The following PABPC1L variants were observed in gnomAD, a reference collection of about 807,000 sequenced individuals.
The protein encoded by PABPC1L is polyadenylate-binding protein 1-like.
Under a neutral mutation model 66.6 loss-of-function variants are expected in PABPC1L, and 31 were observed. The observed-to-expected ratio is 0.47, with a 90% CI of 0.35 to 0.63. The LOEUF (loss-of-function observed/expected upper bound fraction) is 0.63, where lower values mean the gene tolerates loss of function less well. PABPC1L is among the 20% of genes least tolerant of loss of function. The probability of loss-of-function intolerance (pLI) is 0.00; values close to 1 mark genes in which losing one functional copy is unlikely to be tolerated. For synonymous variants in PABPC1L, 348 were observed against 335.1 expected (o/e 1.04, Z -0.42); for missense variants, 722 against 848.8 (o/e 0.85, Z 1.86).
intron 6 of PABPC1L, 108 bp downstream of exon 6, chr20:44,921,839 G>T: frequency 6.6e-7 from 1 of 1,522,448 alleles, no homozygotes; most frequent in Non-Finnish European, 8.9e-7. Flanking sequence ...TGGGCACTTG[G>T]CTCAAGGCGG....
Position 44,930,624 on chromosome 20 carries a change from C to T in PABPC1L, c.1137C>T (p.Thr379=). The T allele has an allele frequency of 6.2e-7, 1 of 1,614,210 alleles. No homozygotes were observed. The highest frequency in any genetic ancestry group is 8.5e-7 in the Non-Finnish European group (1 of 1,180,048). Residue 379 remains threonine, a synonymous_variant, in exon 8 of 15, where the codon ACC becomes ACT. Coordinates refer to ENST00000217073, the MANE Select transcript of PABPC1L (RefSeq NM_001372179.1). The part of the protein sequence containing the change: ...QRKEERKAIL[T]NQYMQRLSTM... ...AAGAGGAGCGGAAGGCCATCTTGAC[C>T]AACCAGTACATGCAGCGCCTCTCCA...
chr20:44,936,817 C>A, intron 12 of PABPC1L, 87 bp downstream of exon 12: 2 of 1,340,316 alleles, frequency 1.5e-6, no homozygotes, highest in Non-Finnish European at 2.1e-6. Context: ...CCTGGTGGTC[C>A]AACGTGAGGT....
intron 5 of PABPC1L, 64 bp downstream of exon 5, chr20:44,919,341 C>G: frequency 6.5e-7 from 1 of 1,548,448 alleles, no homozygotes; most frequent in Non-Finnish European, 8.8e-7. Flanking sequence ...AGAAGAGGGT[C>G]CCAGCTGCCT....
chr20:44,930,377 A>G, intron 7 of PABPC1L, 83 bp from the exon 8 acceptor site: 1 of 1,525,980 alleles, frequency 6.6e-7, no homozygotes, highest in Non-Finnish European at 8.9e-7. Flanking sequence ...TGCTGGGCTT[A>G]GCCCATGGGG....
chr20:44,933,060 C>T lies in PABPC1L; in HGVS notation c.1334C>T (p.Ala445Val), dbSNP rs745574022. The T allele has an allele frequency of 3.2e-5, 50 of 1,576,256 alleles. No homozygotes were observed. The South Asian group carries it at 5.3e-4, about 17-fold the overall frequency. ...WTSQPPRPSS[A>V]YPPGASMVRP... is the part of the protein sequence containing the mutation. Reference sequence around the variant, plus strand: ...TCTGTGGTGTCTGCACCACAAGCTGCCTACCCTCCAGGTGCCTCAATGGTC... The same window carrying T: ...TCTGTGGTGTCTGCACCACAAGCTGTCTACCCTCCAGGTGCCTCAATGGTC... Residue 445 changes from alanine (A) to valine (V), a missense_variant, in exon 10 of 15, where the codon GCC becomes GTC. This residue lies in a region of PABPC1L where 301 missense variants were observed against 337.2 expected (regional missense o/e 0.89). Coordinates refer to ENST00000217073, the MANE Select transcript of PABPC1L (RefSeq NM_001372179.1).
chr20:44,926,983 C>T (rs1722114352), intron 7 of PABPC1L, among the ~76,000 whole-genome samples: 1 of 152,046 alleles, frequency 6.6e-6, no homozygotes, highest in Non-Finnish European at 1.5e-5. Context: ...TCAAGTGATC[C>T]TCCCACCTGA....
At chr20:44,934,660 CTTA>C (rs1002009939) in intron 10 of PABPC1L, among the ~76,000 whole-genome samples, 1 of 152,154 alleles carries the variant, frequency 6.6e-6, no homozygotes, top group African/African-American at 2.4e-5. Context: ...TCAGAATCTC[CTTA>C]TTAAGGCTAA....
Position 44,935,388 on chromosome 20 carries a change from C to T in PABPC1L, c.1460-3C>T. ...TTTTGTTTTGTTTTGTTTTGTTTTG[C>T]AGCCAACATTGGTACTCAGACCACA... On this transcript the variant is annotated splice_polypyrimidine_tract_variant and splice_region_variant and intron_variant, in intron 10 of 14. Transcript: ENST00000217073. 1 of 1,611,542 alleles carries T rather than the reference C, an allele frequency of 6.2e-7. No individual in the cohort carries two copies. The highest frequency in any genetic ancestry group is 1.7e-4 in the Middle Eastern group (1 of 6,054).
At chr20:44,936,880 G>C (rs746782322) in intron 12 of PABPC1L, 150 bp downstream of exon 12, 1 of 779,216 alleles carries the variant, frequency 1.3e-6, no homozygotes, top group Non-Finnish European at 2.2e-6. Context: ...GGCCAAGCTG[G>C]CTCTATTCTC....
At chr20:44,931,808 A>G (rs1193761725) in intron 8 of PABPC1L, 1 of 151,978 alleles carries the variant, frequency 6.6e-6, no homozygotes, top group East Asian at 1.9e-4. Flanking sequence ...AAATTTCTTT[A>G]CTATCTACAC....
At chr20:44,912,116 G>A (rs1034192775) in intron 1 of PABPC1L, among the ~76,000 whole-genome samples, 13 of 152,208 alleles carry the variant, frequency 8.5e-5, no homozygotes, top group Non-Finnish European at 1.6e-4. Context: ...GTGTGGAAAA[G>A]TAGGTAATAT....
At chr20:44,936,827 T>C in intron 12 of PABPC1L, 97 bp downstream of exon 12, 1 of 1,282,610 alleles carries the variant, frequency 7.8e-7, no homozygotes, top group Non-Finnish European at 1.1e-6. Context: ...CAACGTGAGG[T>C]CAAATTCCAG....
At position 44,933,059 on chromosome 20, in the gene PABPC1L, G is replaced by A; in HGVS notation, c.1333G>A (p.Ala445Thr). 6.3e-7 allele frequency: 1 copy of A among 1,574,950 alleles called. No individual in the cohort carries two copies. The highest frequency in any genetic ancestry group is 8.6e-7 in the Non-Finnish European group (1 of 1,159,924). ...WTSQPPRPSS[A>T]YPPGASMVRP... ...CTCTGTGGTGTCTGCACCACAAGCT[G>A]CCTACCCTCCAGGTGCCTCAATGGT... Residue 445 changes from alanine to threonine, a missense_variant and splice_region_variant, in exon 10 of 15, where the codon GCC (alanine) becomes ACC (threonine). Ala to Thr is a moderately conservative substitution (Grantham distance 58). Around this residue, in one of 3 missense-constraint regions of PABPC1L, gnomAD observed 301 missense variants for 337.2 expected, o/e 0.89. Transcript: ENST00000217073.
chr20:44,920,554 C>T (rs1274462681), intron 5 of PABPC1L, among the ~76,000 whole-genome samples: 1 of 152,040 alleles, frequency 6.6e-6, no homozygotes, highest in Non-Finnish European at 1.5e-5. Flanking sequence ...TTGCAACCTC[C>T]GCCTCCTGGG....
In PABPC1L at chr20:44,919,225, A is replaced by G; in HGVS notation, c.686A>G (p.His229Arg). The change falls in exon 5 of 15, where the codon CAC becomes CGC. Residue 229 changes from histidine (H) to arginine (R), a missense_variant. By Grantham distance (29) the His-to-Arg change is conservative. Coordinates refer to ENST00000217073, the MANE Select transcript of PABPC1L (RefSeq NM_001372179.1). ...AAGGTGATGAGGGACAACAGCGGCC[A>G]CTCGCGGTGCTTTGGCTTTGTCAAC... ...SVKVMRDNSGHSRCFGFVNFE... is the reference protein window; with the variant it reads ...SVKVMRDNSGRSRCFGFVNFE... 4 of 1,614,132 alleles carry G rather than the reference A, an allele frequency of 2.5e-6. No individual in the cohort carries two copies. The highest frequency in any genetic ancestry group is 3.4e-6 in the Non-Finnish European group (4 of 1,180,024).
At chr20:44,931,205 G>T (rs2066857603) in intron 8 of PABPC1L, among the ~76,000 whole-genome samples, 1 of 148,964 alleles carries the variant, frequency 6.7e-6, no homozygotes, top group Non-Finnish European at 1.5e-5. Context: ...CCTTCACGGG[G>T]TCTCCATGTC....
intron 10 of PABPC1L, among the ~76,000 whole-genome samples, chr20:44,935,119 C>A (rs6031870): frequency 0.098 from 14,769 of 151,074 alleles, 770 homozygotes; most frequent in East Asian, 0.14. Context: ...CTCTTTGAAA[C>A]CCTGCTTTCA....
In PABPC1L at chr20:44,919,219, G is replaced by A; in HGVS notation, c.680G>A (p.Ser227Asn). The A allele has an allele frequency of 6.2e-7, 1 of 1,614,230 alleles. No individual in the cohort carries two copies. The highest frequency in any genetic ancestry group is 8.5e-7 in the Non-Finnish European group (1 of 1,180,034). Residue 227 changes from serine to asparagine, a missense_variant, in exon 5 of 15, where the codon AGC (serine) becomes AAC (asparagine). Physicochemically the swap from Ser to Asn is conservative, Grantham distance 46. Transcript: ENST00000217073. Reference protein sequence around the residue: ...MLSVKVMRDNSGHSRCFGFVN... With the variant: ...MLSVKVMRDNNGHSRCFGFVN... ...AGTGTGAAGGTGATGAGGGACAACA[G>A]CGGCCACTCGCGGTGCTTTGGCTTT...
At chr20:44,922,215 A>T (rs917366774) in intron 6 of PABPC1L, among the ~76,000 whole-genome samples, 5 of 152,194 alleles carry the variant, frequency 3.3e-5, no homozygotes, top group African/African-American at 4.8e-5. Context: ...TTAAAACTTC[A>T]TTGGGAAGTG....
Sources: allele counts gnomAD v4.1 joint callset (sites outside exome capture counted in the v4.1 genomes callset), GRCh38; gene constraint gnomAD v4.1.1; regional missense constraint gnomAD v4.1.1; transcripts MANE v1.5; gene names NCBI Gene and HGNC (gene_info 2026-07-23, HGNC 2026-07-21).